Variants in POMT2 observed in about 807,000 individuals in gnomAD.
POMT2 encodes protein O-mannosyltransferase 2.
POMT2 carries 75 observed loss-of-function variants against 100.0 expected under a neutral mutation model. The ratio of observed to expected loss-of-function variants is 0.75; its 90% CI spans 0.62 to 0.91. The LOEUF (loss-of-function observed/expected upper bound fraction) is 0.91. Ranked by LOEUF, POMT2 falls within the 40% of genes least tolerant of loss-of-function variation. The pLI is 0.00. For synonymous variants in POMT2, 378 were observed against 374.1 expected, an observed-to-expected ratio of 1.01 and a Z score of -0.12; for missense variants, 940 against 955.1, an observed-to-expected ratio of 0.98 and a Z score of 0.21.
At chr14:77,295,047 CATA>C (rs1177794067) in intron 9 of POMT2, among the ~76,000 whole-genome samples, 2 of 152,228 alleles carry the variant, frequency 1.3e-5, no homozygotes, top group South Asian at 2.1e-4. Context: ...TAATCATAAT[CATA>C]ATAATTTTGA....
intron 1 of POMT2, among the ~76,000 whole-genome samples, chr14:77,313,331 T>C (rs1891506279): frequency 1.3e-5 from 2 of 152,246 alleles, no homozygotes; most frequent in South Asian, 2.1e-4. Context: ...TGACAGGCAG[T>C]GAGGACATTG....
chr14:77,285,300 C>T, intron 13 of POMT2, 181 bp downstream of exon 13: 3 of 829,928 alleles, frequency 3.6e-6, no homozygotes, highest in East Asian at 2.6e-5. Flanking sequence ...CATAAAACAC[C>T]GAAGCTCCCC....
At chr14:77,312,159 A>T (rs1594804966) in intron 1 of POMT2, 126 bp from the exon 2 acceptor site, 14 of 1,020,664 alleles carry the variant, frequency 1.4e-5, no homozygotes, top group Non-Finnish European at 1.8e-5. Flanking sequence ...GTCTGGATTT[A>T]AAAAAAAAAT....
chr14:77,308,365 T>G (rs1022996426), intron 2 of POMT2, among the ~76,000 whole-genome samples: 16 of 149,850 alleles, frequency 1.1e-4, no homozygotes, highest in Admixed American at 2.6e-4. Flanking sequence ...TGTTTTTTTT[T>G]TTTTTTTGAG....
At chr14:77,297,039 G>A (rs1890857150) in intron 8 of POMT2, among the ~76,000 whole-genome samples, 1 of 152,268 alleles carries the variant, frequency 6.6e-6, no homozygotes, top group Admixed American at 6.5e-5. Context: ...GACAATGTGT[G>A]ACATGGTGGG....
chr14:77,280,256 A>C (rs1594885621), intron 16 of POMT2, 136 bp downstream of exon 16: 1 of 1,554,822 alleles, frequency 6.4e-7, no homozygotes, highest in South Asian at 1.2e-5. Flanking sequence ...GAAAACAGAT[A>C]CTCCCACCTC....
At chr14:77,283,945 T>C in intron 14 of POMT2, 72 bp from the exon 15 acceptor site, 1 of 1,297,708 alleles carries the variant, frequency 7.7e-7, no homozygotes, top group South Asian at 1.2e-5. Flanking sequence ...GGTGTCCACA[T>C]TCCCACCAGA....
intron 1 of POMT2, among the ~76,000 whole-genome samples, chr14:77,318,174 A>G (rs1370852476): frequency 6.6e-6 from 1 of 152,118 alleles, no homozygotes; most frequent in African/African-American, 2.4e-5. Context: ...AAGGGAAACA[A>G]TGTTCTCTTT....
intron 9 of POMT2, among the ~76,000 whole-genome samples, chr14:77,293,043 T>C (rs1270676482): frequency 6.6e-6 from 1 of 152,226 alleles, no homozygotes; most frequent in African/African-American, 2.4e-5. Context: ...GCTTGCATTA[T>C]GGCTGCTTCT....
At chr14:77,303,595 A>G (rs563195482) in intron 4 of POMT2, among the ~76,000 whole-genome samples, 1 of 152,172 alleles carries the variant, frequency 6.6e-6, no homozygotes, top group East Asian at 1.9e-4. Context: ...GGTCCACACC[A>G]GAACTACAGT....
intron 1 of POMT2, chr14:77,319,547 A>C (rs1394887135): frequency 2.0e-5 from 3 of 152,252 alleles, no homozygotes; most frequent in Non-Finnish European, 4.4e-5. Flanking sequence ...CTTTGAGAGA[A>C]GAGGCAGTGT....
intron 5 of POMT2, 122 bp from the exon 6 acceptor site, chr14:77,301,371 C>G: frequency 7.5e-7 from 1 of 1,333,638 alleles, no homozygotes; most frequent in Non-Finnish European, 1.1e-6. Context: ...CTTGGGGGCT[C>G]TTAGCCTCAA....
chr14:77,280,597 A>AGG, intron 15 of POMT2, 134 bp from the exon 16 acceptor site: 1 of 1,534,594 alleles, frequency 6.5e-7, no homozygotes, highest in Non-Finnish European at 8.8e-7. Flanking sequence ...CTTGCAGGGA[A>AGG]GAATCAGGCA....
chr14:77,288,520 C>A (rs1159870818), intron 11 of POMT2, among the ~76,000 whole-genome samples: 3 of 152,066 alleles, frequency 2.0e-5, no homozygotes, highest in Non-Finnish European at 4.4e-5. Context: ...AAAACAGCAG[C>A]AGCAGCTTTC....
chr14:77,283,625 C>G (rs1202741137), intron 15 of POMT2, among the ~76,000 whole-genome samples, 172 bp downstream of exon 15: 1 of 152,234 alleles, frequency 6.6e-6, no homozygotes, highest in Non-Finnish European at 1.5e-5. Context: ...CCACCATCCT[C>G]ATTCTGTGGT....
chr14:77,279,776 G>A (rs1001266432), intron 18 of POMT2, 47 bp downstream of exon 18: 1 of 1,570,932 alleles, frequency 6.4e-7, no homozygotes, highest in Non-Finnish European at 8.7e-7. Context: ...GGGTGCAGGT[G>A]CCCTGCTGCC....
rs1403218808 is a variant in POMT2 at position 77,277,393 on chromosome 14, C to T, written c.2236G>A (p.Asp746Asn). Residue 746 changes from aspartate to asparagine, a missense_variant, in exon 21 of 21, where the codon GAC becomes AAC. Physicochemically the swap from Asp to Asn is conservative, Grantham distance 23 (BLOSUM62 1). Coordinates refer to ENST00000261534, the MANE Select transcript of POMT2 (RefSeq NM_013382.7). ...CAGTGGCCTCAAAAGTCCCATGAGT[C>T]CAGCCACCTTAGTCCTGCCATTGGA... ...QSPMAGLRWL[D>N]SWDF 6.2e-7 allele frequency: 1 copy of T among 1,613,466 alleles called. No individual in the cohort carries two copies. Among genetic ancestry groups the T allele is most frequent in the South Asian group, 1.1e-5 (1 of 91,072 alleles).
In POMT2 at chr14:77,279,835, C is replaced by T. The variant is rs770033098; in HGVS notation, c.1879G>A (p.Ala627Thr). ...VAMQRGARLPAEVAGLSQVLL... is the reference protein window; with the variant it reads ...VAMQRGARLPTEVAGLSQVLL... ...CAGAGGACCTGACCTGCAACCTCCGCTGGCAGCCGTGCCCCTCTCTGCATG... is the reference window on the plus strand; with the variant it reads ...CAGAGGACCTGACCTGCAACCTCCGTTGGCAGCCGTGCCCCTCTCTGCATG... The change falls in exon 18 of 21, where the codon GCG (alanine) becomes ACG (threonine). Residue 627 changes from alanine to threonine, a missense_variant. By Grantham distance (58) the Ala-to-Thr change is moderately conservative. Coordinates refer to ENST00000261534, the MANE Select transcript of POMT2 (RefSeq NM_013382.7). 1 of 1,613,594 alleles carries T rather than the reference C, an allele frequency of 6.2e-7. No individual in the cohort carries two copies.
intron 15 of POMT2, among the ~76,000 whole-genome samples, chr14:77,281,136 AAAT>A (rs200213908): frequency 8.4e-4 from 103 of 122,318 alleles, no homozygotes; most frequent in African/African-American, 2.5e-3. Context: ...ATAAATAAAT[AAAT>A]AATAAGGCTT....
Sources: allele counts gnomAD v4.1 joint callset (sites outside exome capture counted in the v4.1 genomes callset), GRCh38; gene constraint gnomAD v4.1.1; transcripts MANE v1.5; gene names NCBI Gene and HGNC (gene_info 2026-07-23, HGNC 2026-07-21).